RBFOX1: variants seen among roughly 807,000 people sequenced by gnomAD.
The protein encoded by RBFOX1 is RNA binding fox-1 homolog 1, also known as RNA binding protein fox-1 homolog 1.
A neutral mutation model predicts 57.7 loss-of-function variants in RBFOX1; 8 were observed. The observed-to-expected ratio is 0.14, with a 90% CI of 0.08 to 0.25. RBFOX1 has a LOEUF of 0.25. RBFOX1 is among the 10% of genes least tolerant of loss of function. The pLI is 1.00. For synonymous variants in RBFOX1, 326 were observed against 222.4 expected, an observed-to-expected ratio of 1.47 and a Z score of -4.15; for missense variants, 611 against 548.5, an observed-to-expected ratio of 1.11 and a Z score of -1.14.
In RBFOX1 at chr16:6,293,461, TG is replaced by T. The variant is rs1346948085; in HGVS notation, c.-126-23533del. On this transcript the variant is annotated intron_variant, in intron 1 of 15. Coordinates refer to ENST00000550418, the MANE Select transcript of RBFOX1 (RefSeq NM_018723.4). ...TTTGAATATTTGTTATTCATTATGA[TG>T]AGATGAATGCATAGCCTGTCTGCCA... Among the ~76,000 whole-genome samples, 6 of 134,020 alleles carry T rather than the reference TG, an allele frequency of 4.5e-5. No individual in the cohort carries two copies. The East Asian group carries it at 1.2e-3, about 26-fold the overall frequency. The allele number at this position is 134,020 out of a possible 152,430, so 87.9% of individuals were successfully genotyped here. A position where few individuals can be genotyped will look rare whatever the true frequency, so the allele number is the denominator to read the frequency against.
chr16:7,364,777 C>G (rs978191004), intron 4 of RBFOX1, among the ~76,000 whole-genome samples: 3 of 152,142 alleles, frequency 2.0e-5, no homozygotes, highest in Non-Finnish European at 2.9e-5. Flanking sequence ...CTAAGGTAAT[C>G]TGTTGGAAGA....
chr16:7,333,693 T>C (rs886883312), intron 4 of RBFOX1, among the ~76,000 whole-genome samples: 2 of 152,194 alleles, frequency 1.3e-5, no homozygotes, highest in African/African-American at 4.8e-5. Context: ...AGGGTTGATA[T>C]GTGTGCTGGT....
intron 1 of RBFOX1, among the ~76,000 whole-genome samples, chr16:6,093,462 G>A (rs1384996279): frequency 6.6e-6 from 1 of 152,048 alleles, no homozygotes; most frequent in Non-Finnish European, 1.5e-5. Context: ...GTAAAGATCT[G>A]GAAGGATACT....
intron 1 of RBFOX1, among the ~76,000 whole-genome samples, chr16:5,391,142 A>G (rs182292355): frequency 3.5e-4 from 54 of 152,362 alleles, no homozygotes; most frequent in African/African-American, 1.3e-3. Flanking sequence ...GTGTTAGGAA[A>G]GCCATTTTGC....
intron 1 of RBFOX1, among the ~76,000 whole-genome samples, chr16:5,328,354 G>A (rs747638298): frequency 4.3e-4 from 66 of 152,150 alleles, no homozygotes; most frequent in Non-Finnish European, 7.5e-4. Context: ...GCCAGGAGAC[G>A]CTCTGACCTT....
intron 4 of RBFOX1, among the ~76,000 whole-genome samples, chr16:7,095,635 G>A (rs1232005759): frequency 6.6e-6 from 1 of 152,178 alleles, no homozygotes; most frequent in Non-Finnish European, 1.5e-5. Context: ...CCAGGTGGGA[G>A]CTTGGAATGT....
At chr16:5,702,254 G>T (rs1477648591) in intron 3 of RBFOX1, among the ~76,000 whole-genome samples, 5 of 152,186 alleles carry the variant, frequency 3.3e-5, no homozygotes, top group Non-Finnish European at 7.3e-5. Flanking sequence ...AAGGTGAATG[G>T]GAAGCAAGCC....
intron 2 of RBFOX1, among the ~76,000 whole-genome samples, chr16:6,330,553 A>G (rs756020697): frequency 9.2e-5 from 14 of 152,152 alleles, no homozygotes; most frequent in Non-Finnish European, 1.8e-4. Flanking sequence ...GTCTCACTAT[A>G]TCAAGCAGGG....
At chr16:6,806,815 T>TAA (rs1437730571) in intron 3 of RBFOX1, among the ~76,000 whole-genome samples, 4 of 78,286 alleles carry the variant, frequency 5.1e-5, no homozygotes, top group East Asian at 7.1e-4. Flanking sequence ...AATAAATATA[T>TAA]AAATATATAT....
At chr16:5,933,171 T>C (rs1455834236) in intron 4 of RBFOX1, among the ~76,000 whole-genome samples, 1 of 152,182 alleles carries the variant, frequency 6.6e-6, no homozygotes, top group African/African-American at 2.4e-5. Context: ...ATAATTTCCT[T>C]AGCACGTTTG....
intron 14 of RBFOX1, among the ~76,000 whole-genome samples, chr16:7,698,372 G>A (rs2079505178): frequency 6.6e-6 from 1 of 151,886 alleles, no homozygotes; most frequent in Non-Finnish European, 1.5e-5. Flanking sequence ...GTGAGGGTAG[G>A]GTCTGCAAGA....
chr16:6,280,843 A>G (rs1283930529), intron 1 of RBFOX1, among the ~76,000 whole-genome samples: 2 of 151,954 alleles, frequency 1.3e-5, no homozygotes, highest in Non-Finnish European at 2.9e-5. Flanking sequence ...TACAGAGAGT[A>G]TGTGGCTATT....
chr16:5,403,777 A>G (rs942337066), intron 1 of RBFOX1, among the ~76,000 whole-genome samples: 4 of 152,170 alleles, frequency 2.6e-5, no homozygotes, highest in Non-Finnish European at 4.4e-5. Flanking sequence ...TTGGTGCTAA[A>G]GAAAGGAAAA....
chr16:6,390,259 T>C (rs2092529805), intron 2 of RBFOX1, among the ~76,000 whole-genome samples: 1 of 152,158 alleles, frequency 6.6e-6, no homozygotes, highest in Admixed American at 6.5e-5. Context: ...CTCTTAGAGG[T>C]GCCATTCTGA....
At chr16:5,420,799 G>A (rs76965877) in intron 1 of RBFOX1, among the ~76,000 whole-genome samples, 68,947 of 150,924 alleles carry the variant, frequency 0.46, 18,940 homozygotes, top group East Asian at 0.64. Context: ...GCCTCCCAAA[G>A]TCCTGGGATT....
intron 2 of RBFOX1, among the ~76,000 whole-genome samples, chr16:5,540,627 G>A (rs1003942865): frequency 3.3e-5 from 5 of 152,078 alleles, no homozygotes; most frequent in South Asian, 2.1e-4. Context: ...CACCTGACGC[G>A]TTTGTTAAAA....
At chr16:5,244,161 T>G (rs1262904711) in intron 1 of RBFOX1, among the ~76,000 whole-genome samples, 1 of 152,198 alleles carries the variant, frequency 6.6e-6, no homozygotes, top group Admixed American at 6.5e-5. Flanking sequence ...CCTCCCAAGG[T>G]GCTGAGATCA....
intron 3 of RBFOX1, among the ~76,000 whole-genome samples, chr16:7,002,480 G>C (rs1273843030): frequency 6.6e-6 from 1 of 152,212 alleles, no homozygotes; most frequent in African/African-American, 2.4e-5. Flanking sequence ...TTGGGAAGCT[G>C]AGGCAGGCGG....
intron 2 of RBFOX1, among the ~76,000 whole-genome samples, chr16:6,565,592 C>G (rs1300340102): frequency 1.3e-5 from 2 of 151,364 alleles, no homozygotes; most frequent in Non-Finnish European, 2.9e-5. Flanking sequence ...CTCAGCCTCC[C>G]AAGTAGCTGG....
Sources: gnomAD v4.1 joint callset for allele counts (sites outside exome capture counted in the v4.1 genomes callset) on GRCh38, gnomAD v4.1.1 for gene constraint, MANE v1.5 for transcripts, NCBI Gene and HGNC (gene_info 2026-07-23, HGNC 2026-07-21) for gene names.